Variants in PEX1 observed in about 807,000 individuals in gnomAD.
The protein encoded by PEX1 is peroxisomal ATPase PEX1.
A neutral mutation model predicts 152.5 loss-of-function variants in PEX1; 97 were observed. The observed-to-expected ratio is 0.64, with a 90% CI of 0.54 to 0.75. PEX1 has a LOEUF of 0.75. Among genes scored for constraint, PEX1 ranks in the 30% least tolerant of loss-of-function variants. The pLI, the probability that PEX1 is intolerant of heterozygous loss-of-function variation, is 0.00. For missense variants in PEX1, 1,357 were observed against 1,516.3 expected, an observed-to-expected ratio of 0.89 and a Z score of 1.74; for synonymous variants, 485 against 531.6, an observed-to-expected ratio of 0.91 and a Z score of 1.21.
Position 92,509,337 on chromosome 7 carries a change from G to C in PEX1, c.1662C>G (p.Ser554Arg). 2 of 1,610,480 alleles carry C rather than the reference G, an allele frequency of 1.2e-6. No homozygotes were observed. Among genetic ancestry groups the C allele is most frequent in the Non-Finnish European group, 8.5e-7 (1 of 1,177,078 alleles). ...IDFILPFLKL[S>R]SLGGVNSLGV... Reference sequence around the variant, plus strand: ...TGGCCATAACTTCTTACCCCAAAGAGCTCAGCTTTAAAAAAGGAAGAATAA... The same window carrying C: ...TGGCCATAACTTCTTACCCCAAAGACCTCAGCTTTAAAAAAGGAAGAATAA... The change falls in exon 9 of 24, where the codon AGC (serine) becomes AGG (arginine). Residue 554 changes from serine to arginine, a missense_variant. By Grantham distance (110) the Ser-to-Arg change is moderately radical. Coordinates refer to ENST00000248633, the MANE Select transcript of PEX1 (RefSeq NM_000466.3).
chr7:92,518,255 C>A lies in PEX1; in HGVS notation c.358G>T (p.Glu120Ter). Residue 120 changes from glutamate to a stop codon, truncating the protein, a stop_gained and splice_region_variant, in exon 4 of 24, where the codon GAG (glutamate) becomes TAG (stop). Transcript: ENST00000248633. LOFTEE classifies it high-confidence loss of function. Reference protein sequence around the residue: ...PLSADDWEILELHAVSLEQHL... With the variant: ...PLSADDWEIL ...TGTTCAAGGGAAACAGCATGCAGCT[C>A]CTAGAACCAACAGACGAAAAGATCA... The A allele has an allele frequency of 6.4e-7, 1 of 1,574,424 alleles. No individual in the cohort carries two copies. Among genetic ancestry groups the A allele is most frequent in the South Asian group, 1.1e-5 (1 of 90,248 alleles).
At chr7:92,503,782 T>C (rs550675465) in intron 12 of PEX1, among the ~76,000 whole-genome samples, 28 of 152,266 alleles carry the variant, frequency 1.8e-4, no homozygotes, top group African/African-American at 5.3e-4. Flanking sequence ...ACCAGTCCTA[T>C]AGATGCTATA....
chr7:92,488,554 TGTG>T (rs1470464455), intron 23 of PEX1, among the ~76,000 whole-genome samples: 1 of 152,126 alleles, frequency 6.6e-6, no homozygotes, highest in African/African-American at 2.4e-5. Flanking sequence ...GTATAACAAA[TGTG>T]GTCCACAAAT....
At chr7:92,502,204 G>A (rs1046330395) in intron 13 of PEX1, 125 bp from the exon 14 acceptor site, 2 of 683,572 alleles carry the variant, frequency 2.9e-6, no homozygotes, top group Non-Finnish European at 5.1e-6. Flanking sequence ...AGTTGTCTGG[G>A]GATGGAGCAG....
chr7:92,526,618 G>A (rs1793278351), intron 1 of PEX1, among the ~76,000 whole-genome samples: 1 of 152,158 alleles, frequency 6.6e-6, no homozygotes, highest in African/African-American at 2.4e-5. Context: ...TAAAAATTAA[G>A]TACAATCTAA....
intron 9 of PEX1, 145 bp from the exon 10 acceptor site, chr7:92,507,271 C>T: frequency 1.5e-6 from 1 of 667,392 alleles, no homozygotes; most frequent in Non-Finnish European, 2.4e-6. Context: ...AAGGGGCTTG[C>T]TGTGTCATCC....
At position 92,489,180 on chromosome 7, in the gene PEX1, G is replaced by C. The variant is rs35892336; in HGVS notation, c.3767+113C>G. 0.048 allele frequency: 47,735 copies of C among 989,280 alleles called. 1,399 individuals are homozygous for C. Among genetic ancestry groups the C allele is most frequent in the Middle Eastern group, 0.094 (301 of 3,194 alleles). The allele number at this position is 989,280 out of a possible 1,614,324, so 61.3% of individuals were successfully genotyped here. A position where few individuals can be genotyped will look rare whatever the true frequency, so the allele number is the denominator to read the frequency against. ...GCTACGACACATATTTTTTGAATTAGCTTTTAAATATTCAAAATATTTTTA... is the reference window on the plus strand; with the variant it reads ...GCTACGACACATATTTTTTGAATTACCTTTTAAATATTCAAAATATTTTTA... On this transcript the variant is annotated intron_variant, in intron 23 of 23. Coordinates refer to ENST00000248633, the MANE Select transcript of PEX1 (RefSeq NM_000466.3).
At chr7:92,526,029 T>C (rs1793250631) in intron 1 of PEX1, among the ~76,000 whole-genome samples, 1 of 152,052 alleles carries the variant, frequency 6.6e-6, no homozygotes, top group East Asian at 1.9e-4. Context: ...GTGAGAACGG[T>C]AGGTTGGGTG....
At chr7:92,493,646 A>T (rs1391418287) in intron 19 of PEX1, 1 of 153,942 alleles carries the variant, frequency 6.5e-6, no homozygotes. Flanking sequence ...CTGAAAAACA[A>T]AAACCCAAAA....
At chr7:92,512,460 C>G (rs1304462319) in intron 6 of PEX1, among the ~76,000 whole-genome samples, 1 of 152,054 alleles carries the variant, frequency 6.6e-6, no homozygotes, top group Non-Finnish European at 1.5e-5. Flanking sequence ...GTAGCTAGGA[C>G]TACAGGCATG....
At chr7:92,501,265 A>G (rs1791909088) in intron 15 of PEX1, among the ~76,000 whole-genome samples, 1 of 152,194 alleles carries the variant, frequency 6.6e-6, no homozygotes, top group Non-Finnish European at 1.5e-5. Context: ...TTGAGGTTGC[A>G]GTGAGCTGTG....
Position 92,489,385 on chromosome 7 carries a change from G to T in PEX1, c.3675C>A (p.Thr1225=). 1 of 1,611,550 alleles carries T rather than the reference G, an allele frequency of 6.2e-7. No individual in the cohort carries two copies. Among genetic ancestry groups the T allele is most frequent in the Admixed American group, 1.7e-5 (1 of 59,992 alleles). ...ESMNQPGPIK[T]RLAISQSHLM... Reference sequence around the variant, plus strand: ...AATGTGACTGACTAATAGCCAGTCTGGTTTTGATTGGTCCTGGTTGGTTCA... The same window carrying T: ...AATGTGACTGACTAATAGCCAGTCTTGTTTTGATTGGTCCTGGTTGGTTCA... The change falls in exon 23 of 24, where the codon ACC becomes ACA. Residue 1225 remains threonine, a synonymous_variant. Coordinates refer to ENST00000248633, the MANE Select transcript of PEX1 (RefSeq NM_000466.3).
chr7:92,522,049 A>G, intron 2 of PEX1, 53 bp downstream of exon 2: 4 of 1,556,212 alleles, frequency 2.6e-6, no homozygotes, highest in Admixed American at 1.7e-5. Flanking sequence ...TTTTATTTCT[A>G]TTGCTATATT....
At chr7:92,489,623 G>A in intron 22 of PEX1, 91 bp downstream of exon 22, 1 of 1,199,834 alleles carries the variant, frequency 8.3e-7, no homozygotes, top group Non-Finnish European at 1.2e-6. Flanking sequence ...TATAAATATA[G>A]CTCGTTTATA....
rs143041528 is a variant in PEX1 at position 92,506,356 on chromosome 7, T to A, written c.1804-12A>T. On this transcript the variant is annotated splice_polypyrimidine_tract_variant and intron_variant, in intron 10 of 23. Coordinates refer to ENST00000248633, the MANE Select transcript of PEX1 (RefSeq NM_000466.3). ...GATTTTCCACTTCCCTAGAAAATAA[T>A]TGCTTTATAGGAATTCCCAATATAT... is the stretch of plus-strand genomic sequence containing the variant. 1,085 of 1,524,800 alleles carry A rather than the reference T, an allele frequency of 7.1e-4. 12 individuals carry two copies. The African/African-American group carries it at 0.014, about 19-fold the overall frequency. The allele number at this position is 1,524,800 out of a possible 1,614,324, so 94.5% of individuals were successfully genotyped here.
rs1791949332 is a variant in PEX1, at chr7:92,501,941, C to T, written c.2365G>A (p.Asp789Asn). ...GAGAGTCGAGAATGTATGGCTCGAT[C>T]CACAAGTACTGTAAAATCTCTAGCC... Reference protein sequence around the residue: ...FVARDFTVLVDRAIHSRLSRQ... With the variant: ...FVARDFTVLVNRAIHSRLSRQ... Residue 789 changes from aspartate (D) to asparagine (N), a missense_variant, in exon 14 of 24, where the codon GAT becomes AAT. Asp to Asn is a conservative substitution (Grantham distance 23). Transcript: ENST00000248633. 1 of 1,614,000 alleles carries T rather than the reference C, an allele frequency of 6.2e-7. No individual in the cohort carries two copies. The highest frequency in any genetic ancestry group is 2.2e-5 in the East Asian group (1 of 44,872).
At chr7:92,502,175 T>C (rs1585232151) in intron 13 of PEX1, 96 bp from the exon 14 acceptor site, 3 of 873,092 alleles carry the variant, frequency 3.4e-6, no homozygotes, top group East Asian at 2.4e-5. Context: ...AAATCTATAG[T>C]GACAGAAAGC....
At chr7:92,527,999 A>C (rs1181680824) in intron 1 of PEX1, among the ~76,000 whole-genome samples, 2 of 152,274 alleles carry the variant, frequency 1.3e-5, no homozygotes, top group Non-Finnish European at 2.9e-5. Flanking sequence ...AATAATAAAA[A>C]CAAACCACTT....
At chr7:92,522,987 T>A (rs1264456217) in intron 1 of PEX1, among the ~76,000 whole-genome samples, 1 of 152,230 alleles carries the variant, frequency 6.6e-6, no homozygotes, top group Admixed American at 6.5e-5. Flanking sequence ...CATATAACTA[T>A]GGGAATATAG....
Sources: gnomAD v4.1 joint callset for allele counts (sites outside exome capture counted in the v4.1 genomes callset) on GRCh38, gnomAD v4.1.1 for gene constraint, MANE v1.5 for transcripts, NCBI Gene and HGNC (gene_info 2026-07-23, HGNC 2026-07-21) for gene names.